Variants in AKAP19 observed in about 807,000 individuals in gnomAD.
The protein encoded by AKAP19 is small A-kinase anchoring protein.
the AKAP19 span, among the ~76,000 whole-genome samples, chr2:189,957,622 C>T: frequency 6.6e-6 from 1 of 152,136 alleles, no homozygotes; most frequent in Non-Finnish European, 1.5e-5. Context: ...ATGATAGAAA[C>T]CACTATGACA....
At chr2:190,072,428 AT>A in the AKAP19 span, among the ~76,000 whole-genome samples, 13 of 152,324 alleles carry the variant, frequency 8.5e-5, no homozygotes, top group South Asian at 2.1e-4. Context: ...AATAAAAAAA[AT>A]AATAGTAGTA....
the AKAP19 span, among the ~76,000 whole-genome samples, chr2:190,033,127 C>T: frequency 6.6e-6 from 1 of 152,104 alleles, no homozygotes; most frequent in Non-Finnish European, 1.5e-5. Flanking sequence ...AGTCTACATA[C>T]TTACATTTAT....
At chr2:189,922,802 T>A in the AKAP19 span, among the ~76,000 whole-genome samples, 1 of 152,206 alleles carries the variant, frequency 6.6e-6, no homozygotes, top group Non-Finnish European at 1.5e-5. Context: ...GTCTATATAG[T>A]GTTCCTCAGT....
At chr2:190,155,923 C>T in the AKAP19 span, among the ~76,000 whole-genome samples, 2 of 152,062 alleles carry the variant, frequency 1.3e-5, no homozygotes, top group Non-Finnish European at 2.9e-5. Context: ...AGTATAAAAA[C>T]ATGAATGCTC....
the AKAP19 span, among the ~76,000 whole-genome samples, chr2:190,034,604 G>A: frequency 6.7e-6 from 1 of 149,242 alleles, no homozygotes; most frequent in Non-Finnish European, 1.5e-5. Flanking sequence ...CAGAACTTTG[G>A]GAGGCCAAGG....
At chr2:190,073,586 C>A in the AKAP19 span, among the ~76,000 whole-genome samples, 3,538 of 151,968 alleles carry the variant, frequency 0.023, 148 homozygotes, top group African/African-American at 0.081. Context: ...AATCTGAAGG[C>A]CTGTGTGAAG....
At chr2:190,112,518 T>C in the AKAP19 span, among the ~76,000 whole-genome samples, 8 of 152,206 alleles carry the variant, frequency 5.3e-5, no homozygotes, top group Non-Finnish European at 5.9e-5. Context: ...ATTAATATGA[T>C]TTTTAATAGG....
chr2:190,181,421 G>A, the AKAP19 span: 1 of 152,416 alleles, frequency 6.6e-6, no homozygotes, highest in South Asian at 2.1e-4. Flanking sequence ...TAAGAGATTT[G>A]CCCGTGAACA....
At chr2:189,950,845 A>G in the AKAP19 span, among the ~76,000 whole-genome samples, 1 of 152,144 alleles carries the variant, frequency 6.6e-6, no homozygotes, top group African/African-American at 2.4e-5. Flanking sequence ...TCCTCCTGTT[A>G]ACTAGGTCCC....
chr2:190,023,964 A>G, the AKAP19 span, among the ~76,000 whole-genome samples: 1 of 152,014 alleles, frequency 6.6e-6, no homozygotes, highest in Non-Finnish European at 1.5e-5. Flanking sequence ...AGTAAGGGGA[A>G]AAATATCAAT....
chr2:190,055,912 T>C, the AKAP19 span: 2 of 152,476 alleles, frequency 1.3e-5, no homozygotes, highest in African/African-American at 4.8e-5. Flanking sequence ...CAGTTTATTC[T>C]TCATTTCAGA....
At chr2:190,109,460 C>T in the AKAP19 span, among the ~76,000 whole-genome samples, 3 of 152,092 alleles carry the variant, frequency 2.0e-5, no homozygotes, top group East Asian at 1.9e-4. Flanking sequence ...GCAATCCCTC[C>T]GCATGGGGTA....
chr2:190,201,336 AG>A, the AKAP19 span: 1 of 166,936 alleles, frequency 6.0e-6, no homozygotes, highest in African/African-American at 2.4e-5. Flanking sequence ...AAAATTTGGG[AG>A]GGAGAAGAAG....
the AKAP19 span, chr2:190,095,461 A>G: frequency 6.6e-6 from 1 of 152,142 alleles, no homozygotes; most frequent in Non-Finnish European, 1.5e-5. Context: ...CGCCATTATG[A>G]TGGACACTCC....
the AKAP19 span, among the ~76,000 whole-genome samples, chr2:190,136,689 T>C: frequency 3.3e-5 from 5 of 152,078 alleles, no homozygotes; most frequent in Admixed American, 1.3e-4. Context: ...TCTTTACCTA[T>C]AGTTTCTCCC....
the AKAP19 span, among the ~76,000 whole-genome samples, chr2:190,054,902 T>C: frequency 2.6e-5 from 4 of 152,182 alleles, no homozygotes; most frequent in Non-Finnish European, 5.9e-5. Context: ...AGTTCAACCA[T>C]TGTGGAAGTC....
chr2:189,973,747 C>A, the AKAP19 span, among the ~76,000 whole-genome samples: 4 of 152,176 alleles, frequency 2.6e-5, no homozygotes, highest in Admixed American at 6.5e-5. Context: ...TCCCTTTCTT[C>A]TAGATTTTCT....
chr2:190,145,354 A>G, the AKAP19 span, among the ~76,000 whole-genome samples: 1 of 152,100 alleles, frequency 6.6e-6, no homozygotes, highest in African/African-American at 2.4e-5. Flanking sequence ...ATACACTGTG[A>G]TTTATTCAAC....
At chr2:190,111,961 G>A in the AKAP19 span, among the ~76,000 whole-genome samples, 5 of 151,870 alleles carry the variant, frequency 3.3e-5, no homozygotes, top group Admixed American at 6.6e-5. Flanking sequence ...GCAGTGGCAC[G>A]ATCTCAGCTC....
Sources: gnomAD v4.1 joint callset for allele counts (sites outside exome capture counted in the v4.1 genomes callset) on GRCh38, gnomAD v4.1.1 for gene constraint, MANE v1.5 for transcripts, NCBI Gene and HGNC (gene_info 2026-07-23, HGNC 2026-07-21) for gene names.